SCARB1: variants seen among roughly 807,000 people sequenced by gnomAD.
The protein encoded by SCARB1 is scavenger receptor class B member 1.
A neutral mutation model predicts 57.2 loss-of-function variants in SCARB1; 30 were observed. The observed-to-expected ratio is 0.52, with a 90% CI of 0.39 to 0.71. The LOEUF is 0.71. Ranked by LOEUF, SCARB1 falls within the 30% of genes least tolerant of loss-of-function variation. SCARB1 has a pLI of 0.00. For synonymous variants in SCARB1, 249 were observed against 268.3 expected (o/e 0.93, Z 0.70); for missense variants, 543 against 671.2 (o/e 0.81, Z 2.11).
chr12:124,813,482 T>G (rs1169438826), intron 4 of SCARB1, among the ~76,000 whole-genome samples: 1 of 152,206 alleles, frequency 6.6e-6, no homozygotes, highest in Non-Finnish European at 1.5e-5. Context: ...CGCTAGACTT[T>G]TCTTGTGAGG....
chr12:124,778,946 G>A (rs1872836492), intron 12 of SCARB1, among the ~76,000 whole-genome samples: 1 of 152,120 alleles, frequency 6.6e-6, no homozygotes, highest in African/African-American at 2.4e-5. Context: ...GTATGTTTAT[G>A]TGTTGATTTA....
chr12:124,821,462 C>T (rs761417386), intron 1 of SCARB1: 10 of 984,554 alleles, frequency 1.0e-5, no homozygotes, highest in Non-Finnish European at 1.2e-5. Context: ...GATCCGGCCG[C>T]GTGTCCATGT....
At chr12:124,828,278 G>T (rs1395909407) in intron 1 of SCARB1, among the ~76,000 whole-genome samples, 1 of 151,908 alleles carries the variant, frequency 6.6e-6, no homozygotes, top group African/African-American at 2.4e-5. Flanking sequence ...ACCTGGAGAG[G>T]CCCCTGACCT....
intron 1 of SCARB1, among the ~76,000 whole-genome samples, chr12:124,830,168 A>C (rs994711463): frequency 8.5e-5 from 13 of 152,212 alleles, no homozygotes; most frequent in Non-Finnish European, 1.9e-4. Flanking sequence ...CATACACCAG[A>C]ATGGCTACAA....
In SCARB1 at chr12:124,851,487, T is replaced by G. The variant is rs1262447379; in HGVS notation, c.126+12108A>C. Among the ~76,000 whole-genome samples, 6 of 152,008 alleles carry G rather than the reference T, an allele frequency of 3.9e-5. No individual in the cohort carries two copies. The East Asian group carries it at 9.6e-4, about 24-fold the overall frequency. ...AGATGATTTTGCATGAATGACATGC[T>G]TATGGGCCACACCTCCACATTCCTG... On this transcript the variant is annotated intron_variant, in intron 1 of 12. Coordinates refer to ENST00000261693, the MANE Select transcript of SCARB1 (RefSeq NM_005505.5).
At chr12:124,815,727 A>G (rs1950687117) in intron 2 of SCARB1, among the ~76,000 whole-genome samples, 1 of 152,154 alleles carries the variant, frequency 6.6e-6, no homozygotes, top group Non-Finnish European at 1.5e-5. Flanking sequence ...TTAGCTGGGC[A>G]TGGTGGCAGA....
intron 10 of SCARB1, 66 bp from the exon 11 acceptor site, chr12:124,786,569 A>C (rs2135541247): frequency 6.3e-7 from 1 of 1,595,752 alleles, no homozygotes. Context: ...CGCAGATGCC[A>C]CCCAACACCT....
intron 2 of SCARB1, among the ~76,000 whole-genome samples, chr12:124,815,336 C>T (rs1037350878): frequency 1.1e-4 from 16 of 152,210 alleles, no homozygotes; most frequent in African/African-American, 3.9e-4. Context: ...TCGTTCTGCT[C>T]TCCCCCACCC....
chr12:124,853,319 C>T (rs1010494066), intron 1 of SCARB1, among the ~76,000 whole-genome samples: 1 of 151,446 alleles, frequency 6.6e-6, no homozygotes, highest in Admixed American at 6.6e-5. Flanking sequence ...GAAAATGAGG[C>T]TCACAGCTTT....
At chr12:124,821,286 G>T in intron 1 of SCARB1, 2 of 627,928 alleles carry the variant, frequency 3.2e-6, no homozygotes, top group African/African-American at 2.0e-5. Flanking sequence ...ACACACACAC[G>T]CAGCCTCAAT....
At chr12:124,790,579 A>G (rs1458793528) in intron 9 of SCARB1, among the ~76,000 whole-genome samples, 1 of 152,222 alleles carries the variant, frequency 6.6e-6, no homozygotes, top group East Asian at 1.9e-4. Flanking sequence ...ACTGCAAGAT[A>G]GTTTTTAAAA....
intron 5 of SCARB1, 27 bp downstream of exon 5, chr12:124,811,843 C>T (rs1260001530): frequency 1.3e-6 from 2 of 1,547,182 alleles, no homozygotes; most frequent in Admixed American, 1.7e-5. Context: ...TCCCTGGCGA[C>T]AGGGGCCCTC....
intron 1 of SCARB1, among the ~76,000 whole-genome samples, chr12:124,857,222 T>C (rs1304157104): frequency 1.3e-5 from 2 of 152,196 alleles, no homozygotes; most frequent in East Asian, 3.8e-4. Context: ...GGCAAGTTAC[T>C]TTCCGCCTCT....
intron 1 of SCARB1, among the ~76,000 whole-genome samples, chr12:124,846,723 C>G (rs944179512): frequency 1.9e-5 from 2 of 106,038 alleles, no homozygotes; most frequent in Admixed American, 1.4e-4. Flanking sequence ...CAGCAAGACT[C>G]CATCTCAAAA....
At chr12:124,833,822 C>T (rs1197149257) in intron 1 of SCARB1, among the ~76,000 whole-genome samples, 1 of 152,244 alleles carries the variant, frequency 6.6e-6, no homozygotes, top group East Asian at 1.9e-4. Context: ...GCTCACACGT[C>T]CCCCGCTTTT....
chr12:124,779,663 CTAATGA>C (rs550912730), intron 12 of SCARB1, among the ~76,000 whole-genome samples: 114 of 152,328 alleles, frequency 7.5e-4, no homozygotes, highest in African/African-American at 2.7e-3. Flanking sequence ...ACAGATAATG[CTAATGA>C]TAAGAGTGTG....
intron 7 of SCARB1, among the ~76,000 whole-genome samples, chr12:124,801,960 G>A (rs369332205): frequency 6.6e-6 from 1 of 151,968 alleles, no homozygotes; most frequent in Non-Finnish European, 1.5e-5. Flanking sequence ...CGACCAGCCT[G>A]ACCGATATGG....
chr12:124,817,951 G>A lies in SCARB1; in HGVS notation c.127-244C>T, dbSNP rs1313743357. Among the ~76,000 whole-genome samples the A allele has an allele frequency of 6.6e-6, 1 of 152,216 alleles. No homozygotes were observed. The highest frequency in any genetic ancestry group is 6.5e-5 in the Admixed American group (1 of 15,282). On this transcript the variant is annotated intron_variant, in intron 1 of 12. Transcript: ENST00000261693. The surrounding 1 kb of genome is among the most constrained non-coding windows in gnomAD (Gnocchi z 4.8). ...TTAAAATATGTCCTAACAGCAACAGGTGACACCAGTCAAGGGACTGTGGTA... is the reference window on the plus strand; with the variant it reads ...TTAAAATATGTCCTAACAGCAACAGATGACACCAGTCAAGGGACTGTGGTA...
chr12:124,824,294 G>C (rs1051372624), intron 1 of SCARB1, among the ~76,000 whole-genome samples: 13 of 152,206 alleles, frequency 8.5e-5, no homozygotes, highest in African/African-American at 3.1e-4. Flanking sequence ...CAGTCAAAAG[G>C]CCACACTTAG....
Sources: gnomAD v4.1 joint callset for allele counts (sites outside exome capture counted in the v4.1 genomes callset) on GRCh38, gnomAD v4.1.1 for gene constraint, Gnocchi (gnomAD v3.1) non-coding constraint, MANE v1.5 for transcripts, NCBI Gene and HGNC (gene_info 2026-07-23, HGNC 2026-07-21) for gene names.